MAPRE2: variants seen among roughly 807,000 people sequenced by gnomAD.
MAPRE2 encodes the protein microtubule associated protein RP/EB family member 2.
Under a neutral mutation model 43.2 loss-of-function variants are expected in MAPRE2, and 13 were observed. The ratio of observed to expected loss-of-function variants is 0.30; its 90% CI spans 0.20 to 0.48. The LOEUF is 0.48. Among genes scored for constraint, MAPRE2 ranks in the 20% least tolerant of loss-of-function variants. The pLI is 0.99. For missense variants in MAPRE2, 161 were observed against 400.2 expected, an observed-to-expected ratio of 0.40 and a Z score of 5.10; for synonymous variants, 135 against 148.8, an observed-to-expected ratio of 0.91 and a Z score of 0.68.
intron 1 of MAPRE2, among the ~76,000 whole-genome samples, chr18:35,002,903 G>A (rs1434147826): frequency 6.6e-6 from 1 of 152,118 alleles, no homozygotes. Context: ...TTTTGATGAA[G>A]TCCAATTTAC....
intron 1 of MAPRE2, among the ~76,000 whole-genome samples, chr18:34,980,290 G>GT (rs2097015518): frequency 6.6e-6 from 1 of 152,038 alleles, no homozygotes; most frequent in Non-Finnish European, 1.5e-5. Context: ...CTCCCAAACT[G>GT]CTGGGATTAC....
chr18:35,068,867 T>C (rs1906970268), intron 1 of MAPRE2, among the ~76,000 whole-genome samples: 1 of 152,220 alleles, frequency 6.6e-6, no homozygotes, highest in African/African-American at 2.4e-5. Context: ...TTTGATGCAA[T>C]TGTCATATAC....
chr18:35,090,959 T>C (rs1023792302), intron 2 of MAPRE2, among the ~76,000 whole-genome samples: 4 of 152,130 alleles, frequency 2.6e-5, no homozygotes, highest in African/African-American at 9.7e-5. Flanking sequence ...ATCCCACTTA[T>C]AATCACTACC....
chr18:34,987,326 T>C (rs913524522), intron 1 of MAPRE2, among the ~76,000 whole-genome samples: 1 of 152,204 alleles, frequency 6.6e-6, no homozygotes, highest in Non-Finnish European at 1.5e-5. Flanking sequence ...GGCATCAGCA[T>C]CACCTAGGAG....
At chr18:34,998,908 A>C (rs1436928031) in intron 1 of MAPRE2, among the ~76,000 whole-genome samples, 1 of 151,022 alleles carries the variant, frequency 6.6e-6, no homozygotes, top group Non-Finnish European at 1.5e-5. Flanking sequence ...TTGATACCCA[A>C]TGTCTTTTCA....
At chr18:35,004,786 C>T (rs538160628) in intron 1 of MAPRE2, among the ~76,000 whole-genome samples, 71 of 151,964 alleles carry the variant, frequency 4.7e-4, no homozygotes, top group African/African-American at 1.7e-3. Flanking sequence ...GGCATGGTGG[C>T]GGGCGCCTGT....
chr18:35,007,216 T>A (rs1042267773), intron 2 of MAPRE2, among the ~76,000 whole-genome samples: 1 of 152,176 alleles, frequency 6.6e-6, no homozygotes, highest in Non-Finnish European at 1.5e-5. Flanking sequence ...ATATGTCGGG[T>A]CTGTATGAGG....
intron 1 of MAPRE2, among the ~76,000 whole-genome samples, chr18:35,001,843 T>C (rs2097029524): frequency 6.6e-6 from 1 of 152,176 alleles, no homozygotes; most frequent in Non-Finnish European, 1.5e-5. Flanking sequence ...TCAATTCTAG[T>C]TCCTGTCCAA....
At position 35,108,122 on chromosome 18, in the gene MAPRE2, C is replaced by T. The variant is rs118185231; in HGVS notation, c.610+5963C>T. Among the ~76,000 whole-genome samples, 1,097 of 152,200 alleles carry T rather than the reference C, an allele frequency of 7.2e-3. 50 individuals are homozygous for T. The highest frequency in any genetic ancestry group is 0.054 in the Admixed American group (825 of 15,262). On this transcript the variant is annotated intron_variant, in intron 4 of 6. Coordinates refer to ENST00000300249, the MANE Select transcript of MAPRE2 (RefSeq NM_014268.4). ...ACCAGTCCTCTAAGTTCCCTCCCCT[C>T]ACCCACAACACCCAAACAGGCCCCA...
At chr18:35,129,109 C>T (rs1910033980) in intron 5 of MAPRE2, among the ~76,000 whole-genome samples, 1 of 152,232 alleles carries the variant, frequency 6.6e-6, no homozygotes, top group South Asian at 2.1e-4. Context: ...GGCCTGCCTC[C>T]CCATTTCTGC....
intron 6 of MAPRE2, among the ~76,000 whole-genome samples, chr18:35,134,838 C>A (rs1166643007): frequency 6.6e-6 from 1 of 152,194 alleles, no homozygotes; most frequent in Non-Finnish European, 1.5e-5. Context: ...TTTCTTCTAG[C>A]CAGTTTGTAA....
intron 1 of MAPRE2, among the ~76,000 whole-genome samples, chr18:35,065,453 A>G (rs1444938883): frequency 2.6e-5 from 4 of 152,222 alleles, no homozygotes; most frequent in African/African-American, 4.8e-5. Flanking sequence ...ATACAATATT[A>G]AAGTGTGGTG....
At position 35,064,043 on chromosome 18, in the gene MAPRE2, C is replaced by T. The variant is rs1320820597; in HGVS notation, c.123-6152C>T. On this transcript the variant is annotated intron_variant, in intron 1 of 6. Coordinates refer to ENST00000300249, the MANE Select transcript of MAPRE2 (RefSeq NM_014268.4). ...AAAAAAAAAAAAAAAATCTGGCCAA[C>T]GTGATGGTTCACACCTGTGGTCCCA... 6.5e-5 allele frequency among the ~76,000 whole-genome samples: 7 copies of T among 107,396 alleles called. No individual in the cohort carries two copies. The East Asian group carries it at 1.4e-3, about 22-fold the overall frequency. The allele number at this position is 107,396 out of a possible 152,430, so 70.5% of individuals were successfully genotyped here.
At chr18:34,991,497 A>G (rs983691617) in intron 1 of MAPRE2, among the ~76,000 whole-genome samples, 5 of 152,322 alleles carry the variant, frequency 3.3e-5, no homozygotes, top group Admixed American at 2.0e-4. Flanking sequence ...ACAATTAGCC[A>G]CACAGACTGC....
chr18:35,078,808 C>T (rs540020703), intron 2 of MAPRE2, among the ~76,000 whole-genome samples: 2 of 152,296 alleles, frequency 1.3e-5, no homozygotes, highest in East Asian at 3.9e-4. Context: ...GGTAATTCTA[C>T]TAATGACAAG....
intron 1 of MAPRE2, among the ~76,000 whole-genome samples, chr18:35,049,772 C>T (rs539842914): frequency 6.6e-6 from 1 of 152,282 alleles, no homozygotes; most frequent in African/African-American, 2.4e-5. Context: ...AAAATTATCA[C>T]TCCTATAATT....
chr18:35,109,406 G>T (rs1469250889), intron 4 of MAPRE2, among the ~76,000 whole-genome samples: 5 of 152,160 alleles, frequency 3.3e-5, no homozygotes, highest in Non-Finnish European at 5.9e-5. Context: ...CTCCAGCATT[G>T]TTCTTTTTGC....
chr18:35,090,839 A>G (rs192017610), intron 2 of MAPRE2, among the ~76,000 whole-genome samples: 11 of 152,288 alleles, frequency 7.2e-5, no homozygotes, highest in Admixed American at 7.2e-4. Flanking sequence ...ATTTTAAAAA[A>G]CTGTTAGAAC....
At chr18:35,057,187 G>A (rs1158319821) in intron 1 of MAPRE2, among the ~76,000 whole-genome samples, 1 of 151,944 alleles carries the variant, frequency 6.6e-6, no homozygotes, top group African/African-American at 2.4e-5. Context: ...GCTCATTTTT[G>A]TATTTTTAGT....
Sources: allele counts gnomAD v4.1 joint callset (sites outside exome capture counted in the v4.1 genomes callset), GRCh38; gene constraint gnomAD v4.1.1; transcripts MANE v1.5; gene names NCBI Gene and HGNC (gene_info 2026-07-23, HGNC 2026-07-21).